The following CPNE8 variants were observed in gnomAD, a reference collection of about 807,000 sequenced individuals.
CPNE8 encodes the protein copine-8.
Under a neutral mutation model 81.5 loss-of-function variants are expected in CPNE8, and 45 were observed. The observed-to-expected ratio is 0.55, with a 90% CI of 0.44 to 0.71. The LOEUF is 0.71. Among genes scored for constraint, CPNE8 ranks in the 30% least tolerant of loss-of-function variants. The pLI is 0.00. For missense variants in CPNE8, 594 were observed against 672.1 expected (o/e 0.88, Z 1.28); for synonymous variants, 252 against 226.3 (o/e 1.11, Z -1.02).
In CPNE8 at chr12:38,792,441, T is replaced by G. The variant is rs150095551; in HGVS notation, c.408-16140A>C. Among the ~76,000 whole-genome samples the G allele has an allele frequency of 8.1e-4, 122 of 151,020 alleles. No individual in the cohort carries two copies. In the East Asian group the frequency reaches 0.016, roughly 20 times the overall value. On this transcript the variant is annotated intron_variant, in intron 6 of 19. Coordinates refer to ENST00000331366, the MANE Select transcript of CPNE8 (RefSeq NM_153634.3). ...CAGAAATGAAAAAAGTATAAGAATATTATGAACAACTGCAGGCCAAGAAAT... is the reference window on the plus strand; with the variant it reads ...CAGAAATGAAAAAAGTATAAGAATAGTATGAACAACTGCAGGCCAAGAAAT...
At chr12:38,807,228 C>T (rs1020877592) in intron 6 of CPNE8, among the ~76,000 whole-genome samples, 1 of 149,382 alleles carries the variant, frequency 6.7e-6, no homozygotes, top group Non-Finnish European at 1.5e-5. Flanking sequence ...CAATGACTTT[C>T]TTCACAGAAT....
intron 1 of CPNE8, among the ~76,000 whole-genome samples, chr12:38,885,135 T>A (rs1489422736): frequency 6.6e-6 from 1 of 152,000 alleles, no homozygotes; most frequent in Non-Finnish European, 1.5e-5. Context: ...AGAGAAAAAA[T>A]TAATTTATAT....
intron 3 of CPNE8, among the ~76,000 whole-genome samples, chr12:38,870,330 G>A (rs1034023596): frequency 5.9e-5 from 9 of 152,146 alleles, no homozygotes; most frequent in African/African-American, 2.2e-4. Context: ...CTACTATAAA[G>A]ACACATGCAC....
intron 15 of CPNE8, among the ~76,000 whole-genome samples, chr12:38,689,088 A>C (rs1200213256): frequency 1.3e-5 from 2 of 152,318 alleles, no homozygotes; most frequent in East Asian, 3.9e-4. Context: ...AAAACACAGG[A>C]TTTTTTAAAA....
intron 2 of CPNE8, 103 bp from the exon 3 acceptor site, chr12:38,873,153 T>A: frequency 1.5e-6 from 1 of 678,910 alleles, no homozygotes; most frequent in Non-Finnish European, 2.5e-6. Flanking sequence ...ACATCAAAAT[T>A]AAATGCCTAA....
chr12:38,858,818 A>C (rs1405134323), intron 3 of CPNE8, among the ~76,000 whole-genome samples: 1 of 152,234 alleles, frequency 6.6e-6, no homozygotes, highest in African/African-American at 2.4e-5. Flanking sequence ...AAAAAAAGCA[A>C]ATCAATTAGT....
intron 16 of CPNE8, 35 bp downstream of exon 16, chr12:38,685,455 C>G (rs1008805799): frequency 1.9e-6 from 3 of 1,603,102 alleles, no homozygotes; most frequent in Non-Finnish European, 1.7e-6. Context: ...TGTTCCAGTA[C>G]ATCAGAATAA....
intron 14 of CPNE8, among the ~76,000 whole-genome samples, chr12:38,700,767 G>A (rs1565573592): frequency 6.6e-6 from 1 of 152,008 alleles, no homozygotes. Context: ...TCATGGAGGT[G>A]GGTCTTTCCC....
intron 6 of CPNE8, among the ~76,000 whole-genome samples, chr12:38,828,023 T>A (rs1356536641): frequency 6.6e-6 from 1 of 152,182 alleles, no homozygotes; most frequent in Non-Finnish European, 1.5e-5. Context: ...TTCATAAAAA[T>A]CTCTATTCTG....
At chr12:38,775,687 T>C (rs1941917480) in intron 7 of CPNE8, among the ~76,000 whole-genome samples, 1 of 152,178 alleles carries the variant, frequency 6.6e-6, no homozygotes, top group Admixed American at 6.5e-5. Context: ...AAAGTAGCAA[T>C]GTTCTAAAAA....
At chr12:38,794,638 A>G (rs2030601783) in intron 6 of CPNE8, among the ~76,000 whole-genome samples, 1 of 149,218 alleles carries the variant, frequency 6.7e-6, no homozygotes. Flanking sequence ...ACTATTTAAA[A>G]AAAAACTACT....
At chr12:38,781,087 GA>G (rs994038599) in intron 6 of CPNE8, among the ~76,000 whole-genome samples, 3 of 151,952 alleles carry the variant, frequency 2.0e-5, no homozygotes, top group Non-Finnish European at 2.9e-5. Context: ...TAAATATGCT[GA>G]AAAAATAGAA....
At chr12:38,764,312 A>C (rs574849829) in intron 8 of CPNE8, among the ~76,000 whole-genome samples, 3 of 152,286 alleles carry the variant, frequency 2.0e-5, no homozygotes, top group South Asian at 4.1e-4. Context: ...AAAGGTACCA[A>C]AAAATTTTTA....
chr12:38,829,446 C>T lies in CPNE8; in HGVS notation c.340G>A (p.Gly114Arg). Residue 114 changes from glycine (G) to arginine (R), a missense_variant, in exon 6 of 20, where the codon GGA becomes AGA. Physicochemically the swap from Gly to Arg is moderately radical, Grantham distance 125. Transcript: ENST00000331366. ...SPNLSKHDFLGQVFCTLGEIV... is the reference protein window; with the variant it reads ...SPNLSKHDFLRQVFCTLGEIV... Reference sequence around the variant, plus strand: ...TCTCCCAATGTACAAAACACTTGTCCCAGAAAGTCCTGAAATAGATAAAAA... The same window carrying T: ...TCTCCCAATGTACAAAACACTTGTCTCAGAAAGTCCTGAAATAGATAAAAA... 1 of 1,611,634 alleles carries T rather than the reference C, an allele frequency of 6.2e-7. No individual in the cohort carries two copies. The highest frequency in any genetic ancestry group is 8.5e-7 in the Non-Finnish European group (1 of 1,177,948).
intron 10 of CPNE8, among the ~76,000 whole-genome samples, chr12:38,753,786 A>T (rs540616261): frequency 6.6e-6 from 1 of 152,336 alleles, no homozygotes; most frequent in South Asian, 2.1e-4. Flanking sequence ...ACAGTATATT[A>T]TAATTGTTCT....
intron 13 of CPNE8, among the ~76,000 whole-genome samples, chr12:38,722,519 A>T (rs923732718): frequency 6.6e-6 from 1 of 152,104 alleles, no homozygotes. Context: ...CAACCTGAGG[A>T]CATTCTATCA....
At chr12:38,875,561 T>C (rs1944053766) in intron 1 of CPNE8, among the ~76,000 whole-genome samples, 1 of 152,236 alleles carries the variant, frequency 6.6e-6, no homozygotes, top group African/African-American at 2.4e-5. Context: ...CATTTATTTG[T>C]ACTGCCCTTG....
chr12:38,815,142 C>T (rs1158719397), intron 6 of CPNE8, among the ~76,000 whole-genome samples: 1 of 152,198 alleles, frequency 6.6e-6, no homozygotes, highest in Non-Finnish European at 1.5e-5. Context: ...GATCCTACTA[C>T]AGAGCCAAAC....
chr12:38,852,347 T>C (rs1255055684), intron 3 of CPNE8, among the ~76,000 whole-genome samples: 2 of 146,840 alleles, frequency 1.4e-5, no homozygotes, highest in African/African-American at 2.6e-5. Context: ...GAGAATGGCA[T>C]GAACCTGGGA....
Sources: gnomAD v4.1 joint callset for allele counts (sites outside exome capture counted in the v4.1 genomes callset) on GRCh38, gnomAD v4.1.1 for gene constraint, MANE v1.5 for transcripts, NCBI Gene and HGNC (gene_info 2026-07-23, HGNC 2026-07-21) for gene names.